Variants in CNOT1 observed in about 807,000 individuals in gnomAD.
CNOT1 encodes the protein CCR4-NOT transcription complex subunit 1.
Under a neutral mutation model 273.8 loss-of-function variants are expected in CNOT1, and 15 were observed. The observed-to-expected ratio is 0.05, with a 90% confidence interval of 0.04 to 0.08. CNOT1 has a LOEUF of 0.08. Among genes scored for constraint, CNOT1 ranks in the 10% least tolerant of loss-of-function variants. The probability of loss-of-function intolerance (pLI) is 1.00; values close to 1 mark genes in which losing one functional copy is unlikely to be tolerated. For missense variants in CNOT1, 1,644 were observed against 2,912.2 expected (o/e 0.56, Z 10.02); for synonymous variants, 1,022 against 1,005.5 (o/e 1.02, Z -0.31).
At chr16:58,606,335 G>A (rs184634754) in intron 1 of CNOT1, among the ~76,000 whole-genome samples, 20 of 152,102 alleles carry the variant, frequency 1.3e-4, no homozygotes, top group East Asian at 7.7e-4. Context: ...TAAAAAGATC[G>A]CCTGAGCCCA....
chr16:58,596,145 G>A (rs1180017245), intron 2 of CNOT1, among the ~76,000 whole-genome samples: 1 of 152,206 alleles, frequency 6.6e-6, no homozygotes, highest in Non-Finnish European at 1.5e-5. Flanking sequence ...AGTGCTGAAG[G>A]GAAAAGTAAA....
At chr16:58,525,858 G>A (rs921577214) in intron 45 of CNOT1, 131 bp downstream of exon 45, 86 of 767,144 alleles carry the variant, frequency 1.1e-4, no homozygotes, top group Non-Finnish European at 1.6e-4. Flanking sequence ...CGTAAATCCA[G>A]TTAATCAACC....
At chr16:58,574,081 T>A (rs2041379402) in intron 16 of CNOT1, among the ~76,000 whole-genome samples, 1 of 151,464 alleles carries the variant, frequency 6.6e-6, no homozygotes, top group African/African-American at 2.4e-5. Flanking sequence ...TGAAACCTCA[T>A]CTCTACAAAA....
intron 21 of CNOT1, among the ~76,000 whole-genome samples, chr16:58,554,935 C>CAAAAGAAAAAA (rs774456750): frequency 8.9e-5 from 7 of 78,900 alleles, no homozygotes; most frequent in African/African-American, 2.5e-4. Flanking sequence ...GACTCCATCT[C>CAAAAGAAAAAA]AAAAAAAAAA....
Position 58,586,547 on chromosome 16 carries a change from C to T in CNOT1, c.635G>A (p.Arg212Lys). ...QIDAFLKTLRRDFPQERCPVV... is the reference protein window; with the variant it reads ...QIDAFLKTLRKDFPQERCPVV... ...GTAGGCTACAAAGACTCCCTTACCT[C>T]TGCGCAGCGTCTTAAGAAAAGCGTC... The change falls in exon 7 of 49, where the codon AGA (arginine) becomes AAA (lysine). Residue 212 changes from arginine (R) to lysine (K), a missense_variant and splice_region_variant. Coordinates refer to ENST00000317147, the MANE Select transcript of CNOT1 (RefSeq NM_016284.5). 2 of 1,609,784 alleles carry T rather than the reference C, an allele frequency of 1.2e-6. No individual in the cohort carries two copies. The highest frequency in any genetic ancestry group is 1.3e-5 in the African/African-American group (1 of 74,174).
chr16:58,604,409 T>TCTA (rs1234095498), intron 1 of CNOT1, among the ~76,000 whole-genome samples: 1 of 152,100 alleles, frequency 6.6e-6, no homozygotes, highest in Non-Finnish European at 1.5e-5. Flanking sequence ...ATACGCGTTG[T>TCTA]CTACTATTGG....
intron 1 of CNOT1, 63 bp from the exon 2 acceptor site, chr16:58,599,574 G>C: frequency 1.9e-6 from 1 of 537,854 alleles, no homozygotes; most frequent in Non-Finnish European, 3.2e-6. Context: ...AAGGAGGCTG[G>C]TCCAGGCGCA....
At chr16:58,532,193 C>G (rs752837890) in intron 41 of CNOT1, 39 bp downstream of exon 41, 2 of 1,608,134 alleles carry the variant, frequency 1.2e-6, no homozygotes, top group Admixed American at 3.3e-5. Flanking sequence ...TACATTAATC[C>G]AGCAAACCTT....
Position 58,529,795 on chromosome 16 carries a change from C to A in CNOT1, c.6279+451G>T, listed in dbSNP as rs929965737. 3.2e-5 allele frequency among the ~76,000 whole-genome samples: 4 copies of A among 125,102 alleles called. 2 individuals are homozygous for A. Among genetic ancestry groups the A allele is most frequent in the African/African-American group, 1.2e-4 (4 of 34,754 alleles). 82.1% of individuals were successfully genotyped at this position (125,102 alleles called of 152,430 possible). A position where few individuals can be genotyped will look rare whatever the true frequency, so the allele number is the denominator to read the frequency against. On this transcript the variant is annotated intron_variant, in intron 43 of 48. Transcript: ENST00000317147. ...GGTGGAGGTTGCAGTAAGCTGAGATCGCGCCACTGCACTCCAGCCTGGGTT... is the reference window on the plus strand; with the variant it reads ...GGTGGAGGTTGCAGTAAGCTGAGATAGCGCCACTGCACTCCAGCCTGGGTT...
At position 58,556,945 on chromosome 16, in the gene CNOT1, A is replaced by T; in HGVS notation, c.2381T>A (p.Leu794His). ...GTCGTTATTCACTGCAGGGAGTCCAAGAGCACCAGTTCCTATACCAGTCAG... is the reference window on the plus strand; with the variant it reads ...GTCGTTATTCACTGCAGGGAGTCCATGAGCACCAGTTCCTATACCAGTCAG... ...GSLTGIGTGA[L>H]GLPAVNNDPF... The change falls in exon 19 of 49, where the codon CTT becomes CAT. Residue 794 changes from leucine (L) to histidine (H), a missense_variant. By Grantham distance (99) the Leu-to-His change is moderately conservative. This residue lies in a region of CNOT1 where 706 missense variants were observed against 1,021.2 expected (regional missense o/e 0.69). Transcript: ENST00000317147. 1 of 1,614,170 alleles carries T rather than the reference A, an allele frequency of 6.2e-7. No homozygotes were observed. The highest frequency in any genetic ancestry group is 1.6e-4 in the Middle Eastern group (1 of 6,062).
In CNOT1 at chr16:58,547,301, A is replaced by T. The variant is rs1477625091; in HGVS notation, c.3640-5T>A. 1 of 1,612,368 alleles carries T rather than the reference A, an allele frequency of 6.2e-7. No homozygotes were observed. The highest frequency in any genetic ancestry group is 1.3e-5 in the African/African-American group (1 of 74,872). On this transcript the variant is annotated splice_polypyrimidine_tract_variant and splice_region_variant and intron_variant, in intron 26 of 48. Transcript: ENST00000317147. This position sits in a 1 kb window ranked among gnomAD's most constrained non-coding sequence, Gnocchi z 4.0. ...CAATGATTTCACATCCAAGTCCTAG[A>T]ATAAGAAAAATACTTTCAAAAGCGG...
chr16:58,542,715 T>TGAAAA (rs2040129816), intron 31 of CNOT1, 147 bp from the exon 32 acceptor site: 4 of 1,263,942 alleles, frequency 3.2e-6, no homozygotes, highest in Non-Finnish European at 4.3e-6. Context: ...GCTGTGATCT[T>TGAAAA]GAAACAGTCT....
rs777111692 is a variant in CNOT1 at position 58,547,335 on chromosome 16, C to T, written c.3640-39G>A. 1.2e-6 allele frequency: 2 copies of T among 1,608,410 alleles called. No individual in the cohort carries two copies. The highest frequency in any genetic ancestry group is 1.3e-5 in the African/African-American group (1 of 74,654). ...AATACTTTCAAAAGCGGGGAATATACCCCCCAAAATGGTATAACAAAACCA... is the reference window on the plus strand; with the variant it reads ...AATACTTTCAAAAGCGGGGAATATATCCCCCAAAATGGTATAACAAAACCA... On this transcript the variant is annotated intron_variant, in intron 26 of 48. Transcript: ENST00000317147. The surrounding 1 kb of genome is among the most constrained non-coding windows in gnomAD (Gnocchi z 4.0).
Position 58,556,902 on chromosome 16 carries a change from T to G in CNOT1, c.2424A>C (p.Lys808Asn). 6.2e-7 allele frequency: 1 copy of G among 1,614,150 alleles called. No homozygotes were observed. Among genetic ancestry groups the G allele is most frequent in the East Asian group, 2.2e-5 (1 of 44,864 alleles). ...GCTGATTCAGTCCAGAGGTGCCCAG[T>G]TTCCTCTGTACAAAAGGGTCGTTAT... ...AVNNDPFVQR[K>N]LGTSGLNQPT... The change falls in exon 19 of 49, where the codon AAA (lysine) becomes AAC (asparagine). Residue 808 changes from lysine (K) to asparagine (N), a missense_variant. Transcript: ENST00000317147.
chr16:58,585,223 T>C lies in CNOT1; in HGVS notation c.806+115A>G. The C allele has an allele frequency of 2.8e-6, 4 of 1,440,634 alleles. No individual in the cohort carries two copies. The East Asian group carries it at 6.9e-5, about 25-fold the overall frequency. 89.2% of individuals were successfully genotyped at this position (1,440,634 alleles called of 1,614,324 possible). ...CGTGGAAGATTAAAATTTAGAAGCA[T>C]GCCTCTTGAGAAGAAAAGATGATTA... is the stretch of plus-strand genomic sequence containing the variant. On this transcript the variant is annotated intron_variant, in intron 8 of 48. Coordinates refer to ENST00000317147, the MANE Select transcript of CNOT1 (RefSeq NM_016284.5).
chr16:58,551,688 A>C lies in CNOT1; in HGVS notation c.3102T>G (p.Gly1034=). 6.8e-6 allele frequency: 11 copies of C among 1,614,196 alleles called. No individual in the cohort carries two copies. Among genetic ancestry groups the C allele is most frequent in the Non-Finnish European group, 9.3e-6 (11 of 1,180,032 alleles). The part of the protein sequence containing the change: ...AQVPAKAPLA[G]QVSTMVTTST... ...AGGTGGTTACCATAGTGCTAACTTG[A>C]CCAGCAAGAGGAGCTTTTGCTGGAA... Residue 1034 remains glycine (G), a synonymous_variant, in exon 23 of 49, where the codon GGT becomes GGG. Transcript: ENST00000317147.
At chr16:58,610,213 T>A (rs551149875) in intron 1 of CNOT1, among the ~76,000 whole-genome samples, 2 of 151,722 alleles carry the variant, frequency 1.3e-5, no homozygotes, top group African/African-American at 4.8e-5. Context: ...AAGCCAGGAG[T>A]TCAAAACCAG....
intron 18 of CNOT1, 41 bp from the exon 19 acceptor site, chr16:58,557,034 A>G: frequency 6.2e-7 from 1 of 1,600,110 alleles, no homozygotes; most frequent in East Asian, 2.2e-5. Flanking sequence ...ATCATTATTC[A>G]TATTCTTGAT....
intron 1 of CNOT1, among the ~76,000 whole-genome samples, chr16:58,619,145 G>A (rs947676992): frequency 2.6e-5 from 4 of 151,914 alleles, no homozygotes; most frequent in African/African-American, 7.3e-5. Context: ...TGGTTGCAGT[G>A]AGCCATGATC....
Sources: gnomAD v4.1 joint callset for allele counts (sites outside exome capture counted in the v4.1 genomes callset) on GRCh38, gnomAD v4.1.1 for gene constraint, gnomAD v4.1.1 regional missense constraint, Gnocchi (gnomAD v3.1) non-coding constraint, MANE v1.5 for transcripts, NCBI Gene and HGNC (gene_info 2026-07-23, HGNC 2026-07-21) for gene names.